The following AUTS2 variants were observed in gnomAD, a reference collection of about 807,000 sequenced individuals.
The protein encoded by AUTS2 is autism susceptibility gene 2 protein.
Under a neutral mutation model 112.4 loss-of-function variants are expected in AUTS2, and 17 were observed. That is an observed-to-expected ratio of 0.15 (90% CI 0.10 to 0.23). The LOEUF is 0.23. Among genes scored for constraint, AUTS2 ranks in the 10% least tolerant of loss-of-function variants. AUTS2 has a pLI of 1.00. For missense variants in AUTS2, 1,510 were observed against 1,701.6 expected (o/e 0.89, Z 1.98); for synonymous variants, 751 against 702.7 (o/e 1.07, Z -1.09).
intron 4 of AUTS2, among the ~76,000 whole-genome samples, chr7:70,305,899 A>G (rs1270301205): frequency 6.6e-6 from 1 of 152,220 alleles, no homozygotes; most frequent in Non-Finnish European, 1.5e-5. Flanking sequence ...CAAAGTATAA[A>G]ACCAGTAAGC....
At chr7:69,668,522 A>G (rs1796173101) in intron 1 of AUTS2, among the ~76,000 whole-genome samples, 1 of 152,206 alleles carries the variant, frequency 6.6e-6, no homozygotes, top group Non-Finnish European at 1.5e-5. Flanking sequence ...ACATTTTAGC[A>G]CGTGGTGATC....
Position 70,118,244 on chromosome 7 carries a change from GTA to G in AUTS2, c.624+12_624+13del. On this transcript the variant is annotated intron_variant, in intron 3 of 18. Transcript: ENST00000342771. ...GAAAGGCTCAGTGATGTAAGTTTAA[GTA>G]AAAAAAAAAAAAAAAAAAAAATTAA... 4 of 754,112 alleles carry G rather than the reference GTA, an allele frequency of 5.3e-6. No homozygotes were observed. Among genetic ancestry groups the G allele is most frequent in the South Asian group, 2.8e-5 (1 of 35,212 alleles). The allele number at this position is 754,112 out of a possible 1,614,324, so 46.7% of individuals were successfully genotyped here.
At chr7:70,598,141 G>T (rs867847019) in intron 5 of AUTS2, among the ~76,000 whole-genome samples, 2 of 152,286 alleles carry the variant, frequency 1.3e-5, no homozygotes, top group South Asian at 4.2e-4. Context: ...GCCCTTCCAG[G>T]TGCTTTGCAG....
At chr7:69,656,658 A>G (rs1461129644) in intron 1 of AUTS2, among the ~76,000 whole-genome samples, 1 of 152,156 alleles carries the variant, frequency 6.6e-6, no homozygotes, top group Admixed American at 6.5e-5. Context: ...GGAGAGGAAA[A>G]TGACCAAGAA....
chr7:70,154,242 C>A lies in AUTS2; in HGVS notation c.660+19671C>A, dbSNP rs140632317. On this transcript the variant is annotated intron_variant, in intron 4 of 18. Transcript: ENST00000342771. ...TGTCATTTCCTGAAGAAAAAAGTGTCCATCAGACAAGCAATTTCTGTAGGT... is the reference window on the plus strand; with the variant it reads ...TGTCATTTCCTGAAGAAAAAAGTGTACATCAGACAAGCAATTTCTGTAGGT... Among the ~76,000 whole-genome samples, 832 of 152,182 alleles carry A rather than the reference C, an allele frequency of 5.5e-3. 5 individuals are homozygous for A. The highest frequency in any genetic ancestry group is 0.019 in the African/African-American group (776 of 41,508).
At chr7:70,299,828 T>A (rs376784273) in intron 4 of AUTS2, among the ~76,000 whole-genome samples, 1,522 of 12,898 alleles carry the variant, frequency 0.12, 31 homozygotes, top group African/African-American at 0.24. Context: ...GTTTTTTTCC[T>A]TTAAAAAAAA....
intron 4 of AUTS2, among the ~76,000 whole-genome samples, chr7:70,422,141 G>T (rs1056286556): frequency 3.3e-5 from 5 of 152,200 alleles, no homozygotes; most frequent in Admixed American, 6.5e-5. Flanking sequence ...GGTAGCCTAA[G>T]ATGTCTTTGG....
At chr7:70,446,526 C>T (rs1469450303) in intron 5 of AUTS2, among the ~76,000 whole-genome samples, 5 of 152,112 alleles carry the variant, frequency 3.3e-5, no homozygotes, top group African/African-American at 9.7e-5. Context: ...TGACCCTGAG[C>T]GGAGCTGGAT....
At chr7:69,698,823 GTTC>G (rs948301400) in intron 1 of AUTS2, among the ~76,000 whole-genome samples, 1 of 152,088 alleles carries the variant, frequency 6.6e-6, no homozygotes, top group African/African-American at 2.4e-5. Flanking sequence ...AAACTGCTGA[GTTC>G]TTGACTATCT....
At position 70,675,934 on chromosome 7, in the gene AUTS2, A is replaced by C. The variant is rs56863398; in HGVS notation, c.691-22635A>C. Reference sequence around the variant, plus strand: ...AAGCACTGACAAGCCCACCAGGCTGAAGGAAAGAAGATGGGGACCGCTCCA... The same window carrying C: ...AAGCACTGACAAGCCCACCAGGCTGCAGGAAAGAAGATGGGGACCGCTCCA... On this transcript the variant is annotated intron_variant, in intron 5 of 18. Coordinates refer to ENST00000342771, the MANE Select transcript of AUTS2 (RefSeq NM_015570.4). Among the ~76,000 whole-genome samples, 545 of 152,332 alleles carry C rather than the reference A, an allele frequency of 3.6e-3. 3 individuals carry two copies. The highest frequency in any genetic ancestry group is 0.013 in the African/African-American group (528 of 41,582).
intron 1 of AUTS2, among the ~76,000 whole-genome samples, chr7:69,682,857 G>A (rs1796863831): frequency 6.6e-6 from 1 of 152,148 alleles, no homozygotes; most frequent in Admixed American, 6.5e-5. Context: ...AGGCTGAGGT[G>A]GGAGGATCAC....
At chr7:69,678,347 A>C (rs1258050685) in intron 1 of AUTS2, among the ~76,000 whole-genome samples, 1 of 152,146 alleles carries the variant, frequency 6.6e-6, no homozygotes, top group Non-Finnish European at 1.5e-5. Flanking sequence ...TTCACTGTCT[A>C]CAGCCTCTTG....
chr7:69,774,338 T>C (rs1788803257), intron 1 of AUTS2, among the ~76,000 whole-genome samples: 1 of 152,208 alleles, frequency 6.6e-6, no homozygotes, highest in South Asian at 2.1e-4. Flanking sequence ...AAATTGGGGC[T>C]GCTATGAACC....
intron 1 of AUTS2, among the ~76,000 whole-genome samples, chr7:69,614,899 G>A (rs1392052849): frequency 6.6e-6 from 1 of 152,170 alleles, no homozygotes; most frequent in African/African-American, 2.4e-5. Context: ...CCCTTTGTAT[G>A]TCCCGAATGG....
chr7:70,528,650 G>A (rs1432751820), intron 5 of AUTS2, among the ~76,000 whole-genome samples: 4 of 151,982 alleles, frequency 2.6e-5, no homozygotes, highest in African/African-American at 4.8e-5. Context: ...AGTGGCACAC[G>A]CCTCTAGTCC....
At chr7:70,115,845 C>T (rs1459497495) in intron 2 of AUTS2, among the ~76,000 whole-genome samples, 1 of 152,012 alleles carries the variant, frequency 6.6e-6, no homozygotes, top group Non-Finnish European at 1.5e-5. Context: ...AAAGAAAGAG[C>T]TCTTCAAAGA....
At chr7:70,607,092 G>A (rs972838607) in intron 5 of AUTS2, among the ~76,000 whole-genome samples, 1 of 152,082 alleles carries the variant, frequency 6.6e-6, no homozygotes, top group African/African-American at 2.4e-5. Flanking sequence ...TTCTTGATGA[G>A]GCCCAGGGGC....
chr7:70,535,159 C>T (rs1225662013), intron 5 of AUTS2, among the ~76,000 whole-genome samples: 1 of 151,994 alleles, frequency 6.6e-6, no homozygotes, highest in Non-Finnish European at 1.5e-5. Context: ...TGCCTCAGTT[C>T]CCTCATTGTG....
chr7:70,394,523 A>G (rs557116082), intron 4 of AUTS2, among the ~76,000 whole-genome samples: 1 of 152,344 alleles, frequency 6.6e-6, no homozygotes, highest in South Asian at 2.1e-4. Flanking sequence ...AAGGCTAGAT[A>G]TCAGCAAACA....
Sources: allele counts gnomAD v4.1 joint callset (sites outside exome capture counted in the v4.1 genomes callset), GRCh38; gene constraint gnomAD v4.1.1; transcripts MANE v1.5; gene names NCBI Gene and HGNC (gene_info 2026-07-23, HGNC 2026-07-21).